The following MROH7 variants were observed in gnomAD, a reference collection of about 807,000 sequenced individuals.
MROH7 encodes the protein maestro heat like repeat family member 7.
A neutral mutation model predicts 129.2 loss-of-function variants in MROH7; 113 were observed. The ratio of observed to expected loss-of-function variants is 0.87; its 90% CI spans 0.75 to 1.02. MROH7 has a LOEUF of 1.02. MROH7 is among the 50% of genes least tolerant of loss of function. The probability of loss-of-function intolerance (pLI) is 0.00; values close to 1 mark genes in which losing one functional copy is unlikely to be tolerated. For synonymous variants in MROH7, 655 were observed against 667.9 expected (o/e 0.98, Z 0.30); for missense variants, 1,601 against 1,671.3 (o/e 0.96, Z 0.73).
chr1:54,701,633 T>C (rs1206537414), intron 19 of MROH7, among the ~76,000 whole-genome samples: 1 of 152,170 alleles, frequency 6.6e-6, no homozygotes, highest in African/African-American at 2.4e-5. Context: ...CAGGCTGGAG[T>C]GCAGTGGCAA....
At chr1:54,701,387 G>T (rs1017718274) in intron 19 of MROH7, 65 bp downstream of exon 19, 1 of 1,396,322 alleles carries the variant, frequency 7.2e-7, no homozygotes. Flanking sequence ...TACCTTGGGG[G>T]CTGCATTTCC....
At chr1:54,669,399 A>G (rs1490223147) in intron 5 of MROH7, among the ~76,000 whole-genome samples, 1 of 152,182 alleles carries the variant, frequency 6.6e-6, no homozygotes, top group East Asian at 1.9e-4. Context: ...TTCCAAAATT[A>G]TATCTGTGTT....
At chr1:54,670,396 T>G in intron 5 of MROH7, 101 bp from the exon 6 acceptor site, 1 of 943,216 alleles carries the variant, frequency 1.1e-6, no homozygotes, top group African/African-American at 1.6e-5. Flanking sequence ...CTTGAGGGTA[T>G]GCTGGCTGCT....
chr1:54,697,793 A>G (rs967135301), intron 17 of MROH7: 7 of 629,648 alleles, frequency 1.1e-5, no homozygotes, highest in Non-Finnish European at 2.0e-5. Flanking sequence ...AGCCTCTTGG[A>G]GAGGCACTTC....
intron 23 of MROH7, 113 bp from the exon 24 acceptor site, chr1:54,709,833 G>A (rs1645594489): frequency 1.6e-6 from 2 of 1,253,392 alleles, no homozygotes; most frequent in Non-Finnish European, 2.2e-6. Context: ...GAGATGAGGG[G>A]ATGCCAAGCA....
At chr1:54,673,951 C>A in intron 9 of MROH7, 65 bp from the exon 10 acceptor site, 1 of 1,583,016 alleles carries the variant, frequency 6.3e-7, no homozygotes, top group South Asian at 1.1e-5. Flanking sequence ...CACCGGTGTT[C>A]ACCATTTAAT....
Position 54,653,079 on chromosome 1 carries a change from A to G in MROH7, c.153A>G (p.Pro51=), listed in dbSNP as rs775165440. ...AGGTGCCTATGTTGAATCTGCTCCC[A>G]AGTCCTGGCTTGGCTCTCGTTCCAG... ...MAQVPMLNLL[P]SPGLALVPDL... The change falls in exon 3 of 24, where the codon CCA becomes CCG. Residue 51 remains proline (P), a synonymous_variant. Coordinates refer to ENST00000421030, the MANE Select transcript of MROH7 (RefSeq NM_001039464.4). 7.4e-6 allele frequency: 12 copies of G among 1,613,990 alleles called. No homozygotes were observed. Among genetic ancestry groups the G allele is most frequent in the South Asian group, 6.6e-5 (6 of 91,066 alleles).
chr1:54,648,309 A>C (rs1293906844), intron 1 of MROH7, among the ~76,000 whole-genome samples: 6 of 151,782 alleles, frequency 4.0e-5, no homozygotes, highest in African/African-American at 1.5e-4. Flanking sequence ...ATTTATCCTT[A>C]TGTCAGTACC....
chr1:54,694,911 G>C (rs1645296732), intron 16 of MROH7, among the ~76,000 whole-genome samples: 1 of 152,208 alleles, frequency 6.6e-6, no homozygotes, highest in African/African-American at 2.4e-5. Context: ...CCATTTTCTA[G>C]CTCTGTGACC....
chr1:54,672,536 C>T (rs968944342), intron 7 of MROH7, among the ~76,000 whole-genome samples: 2 of 152,168 alleles, frequency 1.3e-5, no homozygotes, highest in South Asian at 4.2e-4. Flanking sequence ...AGATGGCTTC[C>T]TTAAGGGGCA....
chr1:54,678,668 G>A (rs920517841), intron 10 of MROH7, 74 bp from the exon 11 acceptor site: 55 of 999,668 alleles, frequency 5.5e-5, no homozygotes, highest in Non-Finnish European at 8.6e-5. Flanking sequence ...TCCTTATGAT[G>A]TAGGGACTTC....
chr1:54,709,979 C>T lies in MROH7; in HGVS notation c.3764C>T (p.Ser1255Leu). The change falls in exon 24 of 24, where the codon TCA becomes TTA. Residue 1255 changes from serine (S) to leucine (L), a missense_variant. Transcript: ENST00000421030. ...AACTTGAGACATGACCCAGAAGCAT[C>T]AGTGTGCATCTACGCAGCCCAGGTC... ...LDNLRHDPEA[S>L]VCIYAAQVQD... The T allele has an allele frequency of 1.2e-6, 2 of 1,614,070 alleles. No homozygotes were observed. Among genetic ancestry groups the T allele is most frequent in the South Asian group, 1.1e-5 (1 of 91,088 alleles).
intron 4 of MROH7, among the ~76,000 whole-genome samples, chr1:54,668,175 C>T (rs1044753590): frequency 6.6e-6 from 1 of 152,182 alleles, no homozygotes; most frequent in African/African-American, 2.4e-5. Flanking sequence ...CTTCCAGTTT[C>T]CTTAAGGACT....
At chr1:54,707,391 C>G (rs1645551046) in intron 22 of MROH7, among the ~76,000 whole-genome samples, 1 of 152,230 alleles carries the variant, frequency 6.6e-6, no homozygotes, top group African/African-American at 2.4e-5. Context: ...CATTCATCCA[C>G]CCATCTGCTG....
intron 3 of MROH7, among the ~76,000 whole-genome samples, chr1:54,654,829 C>T (rs1644617196): frequency 6.6e-6 from 1 of 152,138 alleles, no homozygotes; most frequent in Non-Finnish European, 1.5e-5. Context: ...CCTTGGGGTC[C>T]TGTCTGGAAC....
At position 54,674,121 on chromosome 1, in the gene MROH7, A is replaced by G; in HGVS notation, c.1906A>G (p.Ile636Val). ...CTGTGAGGCTCTGGACGGCATCATC[A>G]TCCTCTACACTATTCTGGAGCTCCA... ...IGCEALDGII[I>V]LYTILELQKR... is the part of the protein sequence containing the mutation. The change falls in exon 10 of 24, where the codon ATC becomes GTC. Residue 636 changes from isoleucine (I) to valine (V), a missense_variant. Ile to Val is a conservative substitution (Grantham distance 29, BLOSUM62 3). Coordinates refer to ENST00000421030, the MANE Select transcript of MROH7 (RefSeq NM_001039464.4). The G allele has an allele frequency of 1.2e-6, 2 of 1,613,952 alleles. No individual in the cohort carries two copies. Among genetic ancestry groups the G allele is most frequent in the Non-Finnish European group, 1.7e-6 (2 of 1,179,966 alleles).
chr1:54,650,084 C>A lies in MROH7; in HGVS notation c.-109-1865C>A, dbSNP rs79169953. Reference sequence around the variant, plus strand: ...TGAGTGCCTTATTCCTTTCTGCCCACAGTGCCTGGCAGAGAGGAATAAAAC... The same window carrying A: ...TGAGTGCCTTATTCCTTTCTGCCCAAAGTGCCTGGCAGAGAGGAATAAAAC... On this transcript the variant is annotated intron_variant, in intron 1 of 23. Coordinates refer to ENST00000421030, the MANE Select transcript of MROH7 (RefSeq NM_001039464.4). 6.4e-3 allele frequency among the ~76,000 whole-genome samples: 980 copies of A among 152,320 alleles called. 9 individuals are homozygous for A. The highest frequency in any genetic ancestry group is 9.0e-3 in the Non-Finnish European group (615 of 68,036).
intron 1 of MROH7, among the ~76,000 whole-genome samples, chr1:54,648,399 C>T (rs574890057): frequency 2.1e-4 from 31 of 150,724 alleles, no homozygotes; most frequent in East Asian, 7.8e-4. Flanking sequence ...GAGTTTCGCT[C>T]CTGTTGCCCA....
chr1:54,642,421 G>A (rs1569833245), intron 1 of MROH7, among the ~76,000 whole-genome samples: 1 of 152,170 alleles, frequency 6.6e-6, no homozygotes, highest in Non-Finnish European at 1.5e-5. Flanking sequence ...AAGTTGCCTT[G>A]TTTTCACTGA....
Sources: allele counts gnomAD v4.1 joint callset (sites outside exome capture counted in the v4.1 genomes callset), GRCh38; gene constraint gnomAD v4.1.1; transcripts MANE v1.5; gene names NCBI Gene and HGNC (gene_info 2026-07-23, HGNC 2026-07-21).